The following ST14 variants were observed in gnomAD, a reference collection of about 807,000 sequenced individuals.
ST14 encodes the protein suppressor of tumorigenicity 14 protein.
ST14 carries 40 observed loss-of-function variants against 96.5 expected under a neutral mutation model. The ratio of observed to expected loss-of-function variants is 0.41; its 90% CI spans 0.32 to 0.54. The LOEUF (loss-of-function observed/expected upper bound fraction) is 0.54, where lower values mean the gene tolerates loss of function less well. Ranked by LOEUF, ST14 falls within the 20% of genes least tolerant of loss-of-function variation. The probability of loss-of-function intolerance (pLI) is 0.17; values close to 1 mark genes in which losing one functional copy is unlikely to be tolerated. For synonymous variants in ST14, 506 were observed against 492.1 expected (o/e 1.03, Z -0.37); for missense variants, 1,066 against 1,188.9 (o/e 0.90, Z 1.52).
At chr11:130,163,177 G>T (rs1953011647) in intron 1 of ST14, among the ~76,000 whole-genome samples, 1 of 152,090 alleles carries the variant, frequency 6.6e-6, no homozygotes, top group Non-Finnish European at 1.5e-5. Flanking sequence ...TGTCAGTGGG[G>T]CCCTGACCTC....
intron 16 of ST14, among the ~76,000 whole-genome samples, chr11:130,206,995 T>G (rs1043580170): frequency 1.6e-4 from 24 of 152,338 alleles, no homozygotes; most frequent in Non-Finnish European, 3.4e-4. Flanking sequence ...ACCTGTGTAG[T>G]AGTGTCACCC....
Position 130,209,570 on chromosome 11 carries a change from T to G in ST14, c.2398T>G (p.Ser800Ala). ...CVGFLSGGVD[S>A]CQGDSGGPLS... is the part of the protein sequence containing the mutation. Reference sequence around the variant, plus strand: ...GGGCTTCCTCAGCGGCGGCGTGGACTCCTGCCAGGTGGCCCCCGGGGCAGG... The same window carrying G: ...GGGCTTCCTCAGCGGCGGCGTGGACGCCTGCCAGGTGGCCCCCGGGGCAGG... Residue 800 changes from serine to alanine, a missense_variant, in exon 18 of 19, where the codon TCC becomes GCC. Ser to Ala is a moderately conservative substitution (Grantham distance 99). Transcript: ENST00000278742. 6.3e-7 allele frequency: 1 copy of G among 1,577,022 alleles called. No homozygotes were observed. The highest frequency in any genetic ancestry group is 8.6e-7 in the Non-Finnish European group (1 of 1,161,732).
intron 1 of ST14, among the ~76,000 whole-genome samples, chr11:130,166,282 G>T (rs1232435516): frequency 6.6e-6 from 1 of 152,166 alleles, no homozygotes; most frequent in Non-Finnish European, 1.5e-5. Flanking sequence ...GGTTCAATGT[G>T]TCTAGTTGGT....
rs1395636159 is a variant in ST14, at chr11:130,194,213, A to G, written c.940A>G (p.Ile314Val). 4 of 1,614,182 alleles carry G rather than the reference A, an allele frequency of 2.5e-6. No individual in the cohort carries two copies. The highest frequency in any genetic ancestry group is 1.1e-5 in the South Asian group (1 of 91,088). The change falls in exon 8 of 19, where the codon ATC becomes GTC. Residue 314 changes from isoleucine (I) to valine (V), a missense_variant. Physicochemically the swap from Ile to Val is conservative, Grantham distance 29. Transcript: ENST00000278742. ...CCACTCCTCCCAGAACGTCCTGCTC[A>G]TCACACTGATAACCAACACTGAGCG... ...TFHSSQNVLLITLITNTERRH... is the reference protein window; with the variant it reads ...TFHSSQNVLLVTLITNTERRH...
chr11:130,186,286 A>T lies in ST14; in HGVS notation c.82-1828A>T, dbSNP rs143159120. The stretch of plus-strand genomic sequence containing the variant: ...TCTGGGTCTTTGTGGTTAGAAAAAA[A>T]TTTTTAAAAAGTATGTGTTCCACCA... On this transcript the variant is annotated intron_variant, in intron 1 of 18. Coordinates refer to ENST00000278742, the MANE Select transcript of ST14 (RefSeq NM_021978.4). Among the ~76,000 whole-genome samples, 170 of 152,356 alleles carry T rather than the reference A, an allele frequency of 1.1e-3. 1 individual carries two copies. Among genetic ancestry groups the T allele is most frequent in the African/African-American group, 3.9e-3 (162 of 41,584 alleles).
Position 130,188,763 on chromosome 11 carries a change from G to GA in ST14, c.369+106_370-105insA. On this transcript the variant is annotated intron_variant, in intron 3 of 18. Transcript: ENST00000278742. This position sits in a 1 kb window ranked among gnomAD's most constrained non-coding sequence, Gnocchi z 5.4. ...TGTGCTCCCAGGGCCCTGGGATGGG[G>GA]GTGATCTGCAAAGGGGACCCGGGCC... 1 of 1,606,070 alleles carries GA rather than the reference G, an allele frequency of 6.2e-7. No individual in the cohort carries two copies. The highest frequency in any genetic ancestry group is 8.5e-7 in the Non-Finnish European group (1 of 1,174,088).
chr11:130,199,006 A>C lies in ST14; in HGVS notation c.1744A>C (p.Lys582Gln), dbSNP rs1379357492. The change falls in exon 15 of 19, where the codon AAG (lysine) becomes CAG (glutamine). Residue 582 changes from lysine to glutamine, a missense_variant. By Grantham distance (53) the Lys-to-Gln change is moderately conservative. Coordinates refer to ENST00000278742, the MANE Select transcript of ST14 (RefSeq NM_021978.4). The stretch of plus-strand genomic sequence containing the variant: ...CTGCCTCAATGGGCTCTGCTTGAGC[A>C]AGGGCAACCCTGAGTGTGACGGGAA... ...YRCLNGLCLS[K>Q]GNPECDGKED... 1.2e-6 allele frequency: 2 copies of C among 1,614,116 alleles called. No individual in the cohort carries two copies. Among genetic ancestry groups the C allele is most frequent in the Non-Finnish European group, 1.7e-6 (2 of 1,180,004 alleles).
chr11:130,164,423 G>GT (rs559501197), intron 1 of ST14, among the ~76,000 whole-genome samples: 1,907 of 137,342 alleles, frequency 0.014, 23 homozygotes, highest in Middle Eastern at 0.022. Flanking sequence ...TGTTATTACT[G>GT]TTTTTTTTTT....
chr11:130,194,812 ATG>A, intron 9 of ST14, 75 bp downstream of exon 9: 2 of 1,353,616 alleles, frequency 1.5e-6, no homozygotes. Flanking sequence ...CCCTGTGCAG[ATG>A]TGTGTGGATG....
At chr11:130,200,166 C>T (rs1347643640) in intron 16 of ST14, 29 bp downstream of exon 16, 1 of 1,612,326 alleles carries the variant, frequency 6.2e-7, no homozygotes, top group South Asian at 1.1e-5. Flanking sequence ...AGCAGGGAGC[C>T]TCCTTGCTGG....
At chr11:130,168,468 T>TG (rs1565617541) in intron 1 of ST14, among the ~76,000 whole-genome samples, 1 of 152,112 alleles carries the variant, frequency 6.6e-6, no homozygotes, top group Non-Finnish European at 1.5e-5. Context: ...GTCTCCTGAG[T>TG]GGGGAAACTA....
At chr11:130,196,223 G>C in intron 9 of ST14, 116 bp from the exon 10 acceptor site, 1 of 780,250 alleles carries the variant, frequency 1.3e-6, no homozygotes, top group Non-Finnish European at 2.2e-6. Context: ...AACCTGTCTT[G>C]GTGATGGAAG....
chr11:130,203,770 A>G (rs552213198), intron 16 of ST14, among the ~76,000 whole-genome samples: 352 of 151,584 alleles, frequency 2.3e-3, no homozygotes, highest in Non-Finnish European at 3.8e-3. Context: ...CTCCTGCCTC[A>G]CCCTCCCGAG....
Position 130,197,920 on chromosome 11 carries a change from C to T in ST14, c.1434C>T (p.Thr478=), listed in dbSNP as rs776007823. The change falls in exon 12 of 19, where the codon ACC becomes ACT. Residue 478 remains threonine, a synonymous_variant. Transcript: ENST00000278742. ...ELRCDGWADC[T]DHSDELNCSC... Reference sequence around the variant, plus strand: ...GCTGTGATGGCTGGGCCGACTGCACCGACCACAGCGATGAGCTCAACTGCA... The same window carrying T: ...GCTGTGATGGCTGGGCCGACTGCACTGACCACAGCGATGAGCTCAACTGCA... The T allele has an allele frequency of 1.3e-5, 20 of 1,592,816 alleles. No homozygotes were observed. Among genetic ancestry groups the T allele is most frequent in the African/African-American group, 2.7e-5 (2 of 74,726 alleles).
Position 130,209,911 on chromosome 11 carries a change from T to C in ST14, c.*88T>C. On this transcript the variant is annotated 3_prime_UTR_variant, in exon 19 of 19. Transcript: ENST00000278742. ...GCCTGCAGGCTGGAGACTGGACCGC[T>C]GACTGCACCAGCGCCCCCAGAACAT... is the stretch of plus-strand genomic sequence containing the variant. 6.6e-7 allele frequency: 1 copy of C among 1,512,156 alleles called. No homozygotes were observed. The highest frequency in any genetic ancestry group is 9.0e-7 in the Non-Finnish European group (1 of 1,106,800). The allele number at this position is 1,512,156 out of a possible 1,614,324, so 93.7% of individuals were successfully genotyped here. A position where few individuals can be genotyped will look rare whatever the true frequency, so the allele number is the denominator to read the frequency against.
rs767178700 is a variant in ST14 at position 130,190,444 on chromosome 11, T to C, written c.635-10T>C. On this transcript the variant is annotated splice_polypyrimidine_tract_variant and intron_variant, in intron 6 of 18. Transcript: ENST00000278742. ...CCCCACACGTGCCCTCCTTCTTGTC[T>C]CCTGCGCAGACAGCTGCAGCTTTGG... is the stretch of plus-strand genomic sequence containing the variant. The C allele has an allele frequency of 1.2e-6, 2 of 1,605,762 alleles. No homozygotes were observed. Among genetic ancestry groups the C allele is most frequent in the Non-Finnish European group, 1.7e-6 (2 of 1,179,898 alleles).
chr11:130,208,692 T>C lies in ST14; in HGVS notation c.2269+8T>C. The C allele has an allele frequency of 1.2e-6, 2 of 1,611,546 alleles. No individual in the cohort carries two copies. Among genetic ancestry groups the C allele is most frequent in the Non-Finnish European group, 1.7e-6 (2 of 1,178,556 alleles). On this transcript the variant is annotated splice_region_variant and intron_variant, in intron 17 of 18. Transcript: ENST00000278742. ...GACACACCCAGTATGGAGGTAAGCT[T>C]CGGGCTGACCTAGGGCTCCGCAGAG... is the stretch of plus-strand genomic sequence containing the variant.
chr11:130,174,665 C>G (rs1953120379), intron 1 of ST14, among the ~76,000 whole-genome samples: 1 of 152,174 alleles, frequency 6.6e-6, no homozygotes, highest in Non-Finnish European at 1.5e-5. Context: ...AATTTAAAGA[C>G]TGCAAACAAA....
At chr11:130,183,736 G>A (rs1303729821) in intron 1 of ST14, among the ~76,000 whole-genome samples, 1 of 152,082 alleles carries the variant, frequency 6.6e-6, no homozygotes, top group Non-Finnish European at 1.5e-5. Context: ...TTACCTCTAA[G>A]TATTTCATAT....
Sources: gnomAD v4.1 joint callset for allele counts (sites outside exome capture counted in the v4.1 genomes callset) on GRCh38, gnomAD v4.1.1 for gene constraint, Gnocchi (gnomAD v3.1) non-coding constraint, MANE v1.5 for transcripts, NCBI Gene and HGNC (gene_info 2026-07-23, HGNC 2026-07-21) for gene names.